The following CRADD variants were observed in gnomAD, a reference collection of about 807,000 sequenced individuals.
The protein encoded by CRADD is death domain-containing protein CRADD.
In CRADD, 9 loss-of-function variants were observed where a neutral mutation model predicts 15.5. The ratio of observed to expected loss-of-function variants is 0.58; its 90% CI spans 0.35 to 1.01. CRADD has a LOEUF of 1.01. Ranked by LOEUF, CRADD falls within the 50% of genes least tolerant of loss-of-function variation. CRADD has a pLI of 0.02. For synonymous variants in CRADD, 118 were observed against 107.6 expected, an observed-to-expected ratio of 1.10 and a Z score of -0.60; for missense variants, 227 against 250.3, an observed-to-expected ratio of 0.91 and a Z score of 0.63.
intron 2 of CRADD, among the ~76,000 whole-genome samples, chr12:93,786,922 T>C (rs568935879): frequency 4.3e-4 from 65 of 152,268 alleles, no homozygotes; most frequent in African/African-American, 1.5e-3. Flanking sequence ...AGGGGAATAA[T>C]GTAAAGATGA....
intron 2 of CRADD, among the ~76,000 whole-genome samples, chr12:93,729,467 A>G (rs919700426): frequency 2.6e-5 from 4 of 152,268 alleles, no homozygotes; most frequent in Middle Eastern, 3.4e-3. Flanking sequence ...CATGATACCA[A>G]TAGCAGAAAC....
chr12:93,822,411 A>T (rs1005807570), intron 2 of CRADD, among the ~76,000 whole-genome samples: 1 of 151,758 alleles, frequency 6.6e-6, no homozygotes, highest in African/African-American at 2.4e-5. Context: ...AGCCTTGACA[A>T]CCCCCACATC....
intron 2 of CRADD, among the ~76,000 whole-genome samples, chr12:93,856,101 C>T (rs879566194): frequency 1.3e-5 from 2 of 152,356 alleles, no homozygotes; most frequent in East Asian, 1.9e-4. Flanking sequence ...CCACTGCGCC[C>T]GGCCCAGTTT....
chr12:93,789,540 A>G (rs901736828), intron 2 of CRADD, among the ~76,000 whole-genome samples: 2 of 152,180 alleles, frequency 1.3e-5, no homozygotes, highest in Non-Finnish European at 2.9e-5. Context: ...CTAAAAAATC[A>G]TGTATCTTTA....
chr12:93,753,003 C>T (rs1264852912), intron 2 of CRADD, among the ~76,000 whole-genome samples: 12 of 152,058 alleles, frequency 7.9e-5, no homozygotes, highest in Admixed American at 4.6e-4. Context: ...ATGAGAACAG[C>T]GCAGGAAAGA....
At chr12:93,745,500 A>G (rs1462608713) in intron 2 of CRADD, among the ~76,000 whole-genome samples, 1 of 152,186 alleles carries the variant, frequency 6.6e-6, no homozygotes, top group African/African-American at 2.4e-5. Flanking sequence ...ACAGTCTCAT[A>G]CTAGGAAGCT....
chr12:93,869,220 C>T, intron 2 of CRADD, among the ~76,000 whole-genome samples: 1 of 152,098 alleles, frequency 6.6e-6, no homozygotes. Flanking sequence ...TAAAATATAA[C>T]TAGCTTAACA....
chr12:93,757,925 G>C (rs1009020892), intron 2 of CRADD, among the ~76,000 whole-genome samples: 1 of 152,226 alleles, frequency 6.6e-6, no homozygotes, highest in African/African-American at 2.4e-5. Flanking sequence ...AGGGACAATG[G>C]CTTGGACAAG....
intron 2 of CRADD, among the ~76,000 whole-genome samples, chr12:93,816,491 T>C (rs1010929642): frequency 1.3e-5 from 2 of 151,342 alleles, no homozygotes; most frequent in African/African-American, 4.9e-5. Context: ...CCTCCCAAAG[T>C]GCTGGAATTA....
chr12:93,788,831 TGTG>T (rs1276280260), intron 2 of CRADD, among the ~76,000 whole-genome samples: 1 of 152,130 alleles, frequency 6.6e-6, no homozygotes, highest in Non-Finnish European at 1.5e-5. Flanking sequence ...ACAGCACTCT[TGTG>T]GGAATCACAG....
chr12:93,867,404 T>TATATATATATATA (rs1491540248), intron 2 of CRADD, among the ~76,000 whole-genome samples: 18 of 127,262 alleles, frequency 1.4e-4, no homozygotes, highest in Non-Finnish European at 1.9e-4. Context: ...TATATATATA[T>TATATATATATATA]TTTTTAAACT....
chr12:93,834,725 T>A lies in CRADD; in HGVS notation c.299-15245T>A, dbSNP rs181128185. 3.3e-5 allele frequency among the ~76,000 whole-genome samples: 5 copies of A among 152,342 alleles called. No homozygotes were observed. In the East Asian group the frequency reaches 9.6e-4, roughly 29 times the overall value. On this transcript the variant is annotated intron_variant, in intron 2 of 2. Coordinates refer to ENST00000332896, the MANE Select transcript of CRADD (RefSeq NM_003805.5). ...CTAGTCTCAAGCTGCCCACCTCAGG[T>A]GATCCACCTGCCTCGGCCTCCCAAA...
intron 2 of CRADD, among the ~76,000 whole-genome samples, chr12:93,764,118 A>G (rs1032875116): frequency 7.3e-5 from 11 of 151,030 alleles, no homozygotes; most frequent in African/African-American, 2.7e-4. Context: ...TGTAAATCAC[A>G]TTATGGTTTT....
chr12:93,687,510 G>A (rs181747625), intron 2 of CRADD, among the ~76,000 whole-genome samples: 17 of 152,188 alleles, frequency 1.1e-4, no homozygotes, highest in South Asian at 8.3e-4. Flanking sequence ...AGGCACACAC[G>A]GGCATGCCCA....
intron 2 of CRADD, among the ~76,000 whole-genome samples, chr12:93,750,986 C>T (rs1456985622): frequency 1.3e-5 from 2 of 152,144 alleles, no homozygotes; most frequent in African/African-American, 4.8e-5. Context: ...TAATTTTAGG[C>T]CAGCCTCAGG....
chr12:93,753,227 C>G (rs940664177), intron 2 of CRADD, among the ~76,000 whole-genome samples: 3 of 152,106 alleles, frequency 2.0e-5, no homozygotes, highest in Non-Finnish European at 1.5e-5. Context: ...TTCACACTAT[C>G]AAGAGAATAG....
intron 2 of CRADD, chr12:93,738,584 C>A (rs972684594): frequency 1.5e-6 from 1 of 649,312 alleles, no homozygotes; most frequent in East Asian, 2.7e-5. Flanking sequence ...CCACCGCCAC[C>A]CCCTGCACCA....
intron 2 of CRADD, among the ~76,000 whole-genome samples, chr12:93,834,472 G>A (rs1252726052): frequency 6.6e-6 from 1 of 152,054 alleles, no homozygotes; most frequent in Non-Finnish European, 1.5e-5. Flanking sequence ...GTTATGTTCA[G>A]TTGTTTAAAA....
At chr12:93,762,506 G>A (rs563589307) in intron 2 of CRADD, among the ~76,000 whole-genome samples, 2 of 152,314 alleles carry the variant, frequency 1.3e-5, no homozygotes, top group African/African-American at 4.8e-5. Flanking sequence ...AGGCCTCATG[G>A]GCAATAGGGC....
Sources: gnomAD v4.1 joint callset for allele counts (sites outside exome capture counted in the v4.1 genomes callset) on GRCh38, gnomAD v4.1.1 for gene constraint, MANE v1.5 for transcripts, NCBI Gene and HGNC (gene_info 2026-07-23, HGNC 2026-07-21) for gene names.